The following SOX6 variants were observed in gnomAD, a reference collection of about 807,000 sequenced individuals.
The protein encoded by SOX6 is SRY-box transcription factor 6, also known as transcription factor SOX-6.
A neutral mutation model predicts 97.8 loss-of-function variants in SOX6; 11 were observed. That is an observed-to-expected ratio of 0.11 (90% CI 0.07 to 0.19). The LOEUF (loss-of-function observed/expected upper bound fraction) is 0.19. SOX6 is among the 10% of genes least tolerant of loss of function. The pLI is 1.00. For synonymous variants in SOX6, 360 were observed against 371.4 expected (o/e 0.97, Z 0.35); for missense variants, 810 against 1,039.5 (o/e 0.78, Z 3.04).
chr11:16,273,716 G>A lies in SOX6; in HGVS notation c.446-39045C>T, dbSNP rs534704067. Among the ~76,000 whole-genome samples the A allele has an allele frequency of 9.8e-4, 149 of 152,058 alleles. 1 individual carries two copies. The highest frequency in any genetic ancestry group is 3.3e-3 in the African/African-American group (139 of 41,518). ...AATGCTAAAGAAAGATGTCACATAC[G>A]AAGATGAAAAACAGGTAGATACAAA... On this transcript the variant is annotated intron_variant, in intron 3 of 15. Transcript: ENST00000683767.
intron 6 of SOX6, among the ~76,000 whole-genome samples, chr11:16,154,049 C>G (rs1016008621): frequency 1.1e-4 from 16 of 152,068 alleles, no homozygotes; most frequent in African/African-American, 3.9e-4. Flanking sequence ...TTCCTCCCAG[C>G]TCAAATCACA....
At chr11:16,722,894 C>T (rs1453455532) in intron 2 of SOX6, among the ~76,000 whole-genome samples, 1 of 152,110 alleles carries the variant, frequency 6.6e-6, no homozygotes, top group Non-Finnish European at 1.5e-5. Flanking sequence ...TAAATTAGCT[C>T]AACCATTGTG....
At chr11:16,084,496 C>G (rs533544295) in intron 9 of SOX6, among the ~76,000 whole-genome samples, 4 of 152,082 alleles carry the variant, frequency 2.6e-5, no homozygotes, top group South Asian at 2.1e-4. Context: ...CTGTACTAAG[C>G]AATTTGCTTA....
intron 4 of SOX6, among the ~76,000 whole-genome samples, chr11:16,216,666 C>G (rs542547266): frequency 6.6e-6 from 1 of 151,660 alleles, no homozygotes; most frequent in East Asian, 1.9e-4. Flanking sequence ...TCATCTCATT[C>G]AATCATCACT....
At chr11:16,108,018 T>A (rs768918123) in intron 7 of SOX6, among the ~76,000 whole-genome samples, 7 of 152,128 alleles carry the variant, frequency 4.6e-5, no homozygotes, top group Non-Finnish European at 8.8e-5. Context: ...CTTTTAGATA[T>A]TTTACAAAAT....
chr11:16,453,405 T>C lies in SOX6; in HGVS notation c.-5+22910A>G, dbSNP rs959079637. Among the ~76,000 whole-genome samples the C allele has an allele frequency of 2.0e-5, 3 of 152,080 alleles. No homozygotes were observed. In the South Asian group the frequency reaches 6.2e-4, roughly 32 times the overall value. On this transcript the variant is annotated intron_variant, in intron 1 of 15. Transcript: ENST00000396356. ...TGTAGTACCCATATCCTCAAATCTATGCCCTCTTCCAAAACTCACCTCCTT... is the reference window on the plus strand; with the variant it reads ...TGTAGTACCCATATCCTCAAATCTACGCCCTCTTCCAAAACTCACCTCCTT...
intron 3 of SOX6, among the ~76,000 whole-genome samples, chr11:16,310,413 C>A (rs1437358759): frequency 1.3e-5 from 2 of 151,864 alleles, no homozygotes; most frequent in Non-Finnish European, 2.9e-5. Context: ...CAATATAATC[C>A]CTAAATATCA....
intron 3 of SOX6, among the ~76,000 whole-genome samples, chr11:16,686,133 T>C (rs951544810): frequency 1.3e-4 from 20 of 152,302 alleles, no homozygotes; most frequent in African/African-American, 4.8e-4. Flanking sequence ...ATGGAAGGGG[T>C]TGCCACAAAG....
chr11:16,642,044 C>G (rs1457517667), intron 3 of SOX6, among the ~76,000 whole-genome samples: 1 of 152,190 alleles, frequency 6.6e-6, no homozygotes, highest in Non-Finnish European at 1.5e-5. Flanking sequence ...GTGGCTGGTA[C>G]TGGTTGTTCC....
At chr11:16,522,483 C>T (rs1454276299) in intron 4 of SOX6, among the ~76,000 whole-genome samples, 1 of 152,012 alleles carries the variant, frequency 6.6e-6, no homozygotes, top group Non-Finnish European at 1.5e-5. Flanking sequence ...GAAGGAAGCA[C>T]TAAACATGGA....
intron 2 of SOX6, among the ~76,000 whole-genome samples, chr11:16,340,332 T>C (rs1856590239): frequency 6.6e-6 from 1 of 152,100 alleles, no homozygotes; most frequent in Admixed American, 6.6e-5. Context: ...TTGAATATTT[T>C]TGCTTTGAAC....
intron 3 of SOX6, chr11:16,270,072 T>TA (rs1854207248): frequency 6.6e-6 from 1 of 151,308 alleles, no homozygotes; most frequent in African/African-American, 2.4e-5. Context: ...TTTTGTCCTG[T>TA]TAATAAATAA....
intron 12 of SOX6, among the ~76,000 whole-genome samples, chr11:16,045,332 C>A (rs1855795771): frequency 6.6e-6 from 1 of 152,040 alleles, no homozygotes; most frequent in African/African-American, 2.4e-5. Context: ...GGTAGAGCCC[C>A]CATGATCAGA....
At chr11:16,158,303 C>T (rs1850653926) in intron 6 of SOX6, among the ~76,000 whole-genome samples, 2 of 151,912 alleles carry the variant, frequency 1.3e-5, no homozygotes, top group Non-Finnish European at 2.9e-5. Context: ...AGCCATCATA[C>T]TCCTTGGTGT....
intron 9 of SOX6, among the ~76,000 whole-genome samples, chr11:16,078,857 A>G (rs1337702046): frequency 2.6e-5 from 4 of 152,142 alleles, no homozygotes; most frequent in Non-Finnish European, 5.9e-5. Flanking sequence ...AGTATAATTG[A>G]AAGTCCTATG....
intron 10 of SOX6, among the ~76,000 whole-genome samples, chr11:16,055,207 A>T (rs187952691): frequency 6.6e-6 from 1 of 152,210 alleles, no homozygotes; most frequent in East Asian, 1.9e-4. Context: ...CATTGTAAGG[A>T]CAGTCCTCTT....
At chr11:16,010,117 G>C (rs1313434059) in intron 13 of SOX6, among the ~76,000 whole-genome samples, 3 of 140,750 alleles carry the variant, frequency 2.1e-5, no homozygotes, top group African/African-American at 7.9e-5. Flanking sequence ...CTTAGAAGCA[G>C]TTGGAGCTAC....
chr11:16,106,917 G>C, intron 7 of SOX6, among the ~76,000 whole-genome samples: 1 of 151,908 alleles, frequency 6.6e-6, no homozygotes, highest in African/African-American at 2.4e-5. Context: ...ACTCAAAAAT[G>C]GGAAAACTAC....
intron 13 of SOX6, among the ~76,000 whole-genome samples, chr11:15,996,044 T>C (rs1854212235): frequency 6.6e-6 from 1 of 152,172 alleles, no homozygotes; most frequent in Admixed American, 6.5e-5. Context: ...ATATCAAAAA[T>C]GATTTGTGAC....
Sources: allele counts gnomAD v4.1 joint callset (sites outside exome capture counted in the v4.1 genomes callset), GRCh38; gene constraint gnomAD v4.1.1; transcripts MANE v1.5; gene names NCBI Gene and HGNC (gene_info 2026-07-23, HGNC 2026-07-21).